The following ANKK1 variants were observed in gnomAD, a reference collection of about 807,000 sequenced individuals.
ANKK1 encodes ankyrin repeat and kinase domain containing 1.
In ANKK1, 37 loss-of-function variants were observed where a neutral mutation model predicts 37.6. That is an observed-to-expected ratio of 0.98 (90% confidence interval 0.76 to 1.29). The LOEUF is 1.29. Ranked by LOEUF, ANKK1 falls within the 50% of genes most tolerant of loss-of-function variation. The pLI, the probability that ANKK1 is intolerant of heterozygous loss-of-function variation, is 0.00. For missense variants in ANKK1, 1,019 were observed against 990.6 expected, an observed-to-expected ratio of 1.03 and a Z score of -0.39; for synonymous variants, 415 against 418.7, an observed-to-expected ratio of 0.99 and a Z score of 0.11.
chr11:113,395,116 G>T, intron 3 of ANKK1, 36 bp downstream of exon 3: 2 of 1,568,942 alleles, frequency 1.3e-6, no homozygotes, highest in Non-Finnish European at 1.7e-6. Context: ...CACACACCCA[G>T]CAGGCAGTTT....
intron 2 of ANKK1, 23 bp downstream of exon 2, chr11:113,393,798 C>A: frequency 1.3e-6 from 2 of 1,567,926 alleles, no homozygotes; most frequent in Non-Finnish European, 1.7e-6. Context: ...GCCAATCCTC[C>A]GCTCCCTTTC....
chr11:113,398,841 G>T, intron 7 of ANKK1, 123 bp from the exon 8 acceptor site: 1 of 814,782 alleles, frequency 1.2e-6, no homozygotes, highest in Non-Finnish European at 1.9e-6. Flanking sequence ...CTTAGGAAAG[G>T]CATTGCCCTT....
intron 5 of ANKK1, 44 bp downstream of exon 5, chr11:113,396,266 G>T (rs1159967730): frequency 6.2e-7 from 1 of 1,603,986 alleles, no homozygotes; most frequent in Non-Finnish European, 8.5e-7. Flanking sequence ...GAGCTGGGTG[G>T]GGCCGGGAGG....
intron 1 of ANKK1, among the ~76,000 whole-genome samples, chr11:113,390,735 C>CAAAAA (rs202164619): frequency 7.1e-5 from 6 of 84,282 alleles, no homozygotes; most frequent in African/African-American, 1.6e-4. Flanking sequence ...GACTTGGTCT[C>CAAAAA]AAAAAAAAAA....
In ANKK1 at chr11:113,400,406, A is replaced by C. The variant is rs2138143625; in HGVS notation, c.*139A>C. The C allele has an allele frequency of 1.1e-6, 1 of 905,952 alleles. No individual in the cohort carries two copies. 56.1% of individuals were successfully genotyped at this position (905,952 alleles called of 1,614,324 possible). ...ACCCTGTCTCTGCTAAAAATACAAA[A>C]TTTAGCTGGGTATGGTGGCACGTGC... On this transcript the variant is annotated 3_prime_UTR_variant, in exon 8 of 8. Transcript: ENST00000303941.
intron 5 of ANKK1, among the ~76,000 whole-genome samples, chr11:113,396,728 C>T (rs1950642094): frequency 6.6e-6 from 1 of 152,112 alleles, no homozygotes; most frequent in Non-Finnish European, 1.5e-5. Context: ...GGTCTGGGCT[C>T]TGTGTGTGTT....
chr11:113,392,551 T>C (rs1950596128), intron 1 of ANKK1, among the ~76,000 whole-genome samples: 1 of 152,236 alleles, frequency 6.6e-6, no homozygotes, highest in Non-Finnish European at 1.5e-5. Context: ...GCAAATACTG[T>C]GCTCTCAAAT....
intron 6 of ANKK1, among the ~76,000 whole-genome samples, 180 bp from the exon 7 acceptor site, chr11:113,397,800 A>C (rs1263516904): frequency 6.6e-6 from 1 of 152,222 alleles, no homozygotes; most frequent in East Asian, 1.9e-4. Context: ...TCTCCAGCTC[A>C]GTGTTTTCCT....
chr11:113,389,168 A>T (rs1241751173), intron 1 of ANKK1, among the ~76,000 whole-genome samples: 2 of 152,200 alleles, frequency 1.3e-5, no homozygotes, highest in Non-Finnish European at 2.9e-5. Context: ...TAAATCATTT[A>T]TAGCCTTTTG....
At chr11:113,396,933 C>T (rs1159938802) in intron 5 of ANKK1, among the ~76,000 whole-genome samples, 2 of 152,292 alleles carry the variant, frequency 1.3e-5, no homozygotes, top group South Asian at 2.1e-4. Context: ...CTCATCCAGT[C>T]CTTTGGGGAC....
At chr11:113,388,099 G>A (rs545702309) in intron 1 of ANKK1, 30 bp downstream of exon 1, 170 of 1,447,954 alleles carry the variant, frequency 1.2e-4, no homozygotes, top group Non-Finnish European at 1.4e-4. Context: ...CCCCTTTCTC[G>A]GAGGAGAAAC....
In ANKK1 at chr11:113,387,848, G is replaced by T; in HGVS notation, c.-37G>T. The stretch of plus-strand genomic sequence containing the variant: ...CGGCCACCCAGGCAGCAGCCACAGC[G>T]GGGAGTGCGCGGCGCGGGGACAGGA... On this transcript the variant is annotated 5_prime_UTR_variant, in exon 1 of 8. Transcript: ENST00000303941. 1 of 1,460,856 alleles carries T rather than the reference G, an allele frequency of 6.8e-7. No individual in the cohort carries two copies. Among genetic ancestry groups the T allele is most frequent in the Non-Finnish European group, 9.1e-7 (1 of 1,104,158 alleles). 90.5% of individuals were successfully genotyped at this position (1,460,856 alleles called of 1,614,324 possible).
Position 113,397,308 on chromosome 11 carries a change from T to A in ANKK1, c.923T>A (p.Val308Glu). 6.2e-7 allele frequency: 1 copy of A among 1,612,612 alleles called. No individual in the cohort carries two copies. The highest frequency in any genetic ancestry group is 2.2e-5 in the East Asian group (1 of 44,854). ...VPESKALARK[V>E]SCKLSLRQPG... Reference sequence around the variant, plus strand: ...GAGAGCAAGGCCCTGGCCAGGAAGGTGTCCTGCAAGCTGTCGCTGCGCCAG... The same window carrying A: ...GAGAGCAAGGCCCTGGCCAGGAAGGAGTCCTGCAAGCTGTCGCTGCGCCAG... The change falls in exon 6 of 8, where the codon GTG becomes GAG. Residue 308 changes from valine (V) to glutamate (E), a missense_variant. By Grantham distance (121) the Val-to-Glu change is moderately radical. Transcript: ENST00000303941.
rs1299146026 is a variant in ANKK1, at chr11:113,394,919, C to T, written c.481-10C>T. On this transcript the variant is annotated splice_polypyrimidine_tract_variant and intron_variant, in intron 2 of 7. Transcript: ENST00000303941. ...ATCACGGCTTTATCTCTGCCCCTGC[C>T]TTCTCCCAGATTTCAGACTTCGGCC... The T allele has an allele frequency of 6.2e-7, 1 of 1,604,398 alleles. No individual in the cohort carries two copies. Among genetic ancestry groups the T allele is most frequent in the South Asian group, 1.1e-5 (1 of 90,234 alleles).
Position 113,388,062 on chromosome 11 carries a change from G to A in ANKK1, c.178G>A (p.Ala60Thr), listed in dbSNP as rs756250479. Reference sequence around the variant, plus strand: ...GTGCGCCCCCTGCCTTCCACCCGACGCCGCCAGGTACTGCCAGCCTCGCCC... The same window carrying A: ...GTGCGCCCCCTGCCTTCCACCCGACACCGCCAGGTACTGCCAGCCTCGCCC... ...IKCAPCLPPD[A>T]ASSDVNYLIE... The change falls in exon 1 of 8, where the codon GCC (alanine) becomes ACC (threonine). Residue 60 changes from alanine (A) to threonine (T), a missense_variant. Ala to Thr is a moderately conservative substitution (Grantham distance 58). Coordinates refer to ENST00000303941, the MANE Select transcript of ANKK1 (RefSeq NM_178510.2). 7.3e-6 allele frequency: 11 copies of A among 1,504,146 alleles called. No individual in the cohort carries two copies. The South Asian group carries it at 1.4e-4, about 19-fold the overall frequency. 93.2% of individuals were successfully genotyped at this position (1,504,146 alleles called of 1,614,324 possible). A position where few individuals can be genotyped will look rare whatever the true frequency, so the allele number is the denominator to read the frequency against.
chr11:113,397,287 GCAAGGCCCTGGC>G lies in ANKK1; in HGVS notation c.905_916del (p.Lys302_Ala305del). 6.2e-7 allele frequency: 1 copy of G among 1,612,594 alleles called. No individual in the cohort carries two copies. The highest frequency in any genetic ancestry group is 8.5e-7 in the Non-Finnish European group (1 of 1,179,864). On this transcript the variant is annotated inframe_deletion, in exon 6 of 8. Coordinates refer to ENST00000303941, the MANE Select transcript of ANKK1 (RefSeq NM_178510.2). ...CAGAGTCGTGTGGCAGTCCCAGAGA[GCAAGGCCCTGGC>G]CAGGAAGGTGTCCTGCAAGCTGTCG...
chr11:113,400,073 A>G lies in ANKK1; in HGVS notation c.2104A>G (p.Lys702Glu), dbSNP rs1382032153. 1.2e-6 allele frequency: 2 copies of G among 1,613,316 alleles called. No homozygotes were observed. The highest frequency in any genetic ancestry group is 2.2e-5 in the South Asian group (2 of 91,076). The change falls in exon 8 of 8, where the codon AAG (lysine) becomes GAG (glutamate). Residue 702 changes from lysine to glutamate, a missense_variant. Coordinates refer to ENST00000303941, the MANE Select transcript of ANKK1 (RefSeq NM_178510.2). ...GACACCCGCCCACCTGGCCGCCCTC[A>G]AGGGCAACACAGCCATCCTCAAAGT... Reference protein sequence around the residue: ...GWTPAHLAALKGNTAILKVLV... With the variant: ...GWTPAHLAALEGNTAILKVLV...
At chr11:113,392,695 C>G (rs1950597460) in intron 1 of ANKK1, among the ~76,000 whole-genome samples, 1 of 152,196 alleles carries the variant, frequency 6.6e-6, no homozygotes, top group Admixed American at 6.5e-5. Flanking sequence ...AAGGCCTTCC[C>G]TTAAGTTTCG....
chr11:113,399,417 G>A lies in ANKK1; in HGVS notation c.1448G>A (p.Arg483His), dbSNP rs545925009. 3.7e-5 allele frequency: 59 copies of A among 1,599,940 alleles called. No homozygotes were observed. The highest frequency in any genetic ancestry group is 5.4e-5 in the African/African-American group (4 of 74,720). ...AATGTGGCACGGCTTCTGGTCTCCC[G>A]TCAGGCTGACCCCAACCTGCATGAG... ...FENVARLLVS[R>H]QADPNLHEAE... Residue 483 changes from arginine (R) to histidine (H), a missense_variant, in exon 8 of 8, where the codon CGT becomes CAT. Transcript: ENST00000303941.
Sources: allele counts gnomAD v4.1 joint callset (sites outside exome capture counted in the v4.1 genomes callset), GRCh38; gene constraint gnomAD v4.1.1; transcripts MANE v1.5; gene names NCBI Gene and HGNC (gene_info 2026-07-23, HGNC 2026-07-21).